NAV1: variants seen among roughly 807,000 people sequenced by gnomAD.
NAV1 encodes the protein neuron navigator 1.
A neutral mutation model predicts 175.2 loss-of-function variants in NAV1; 18 were observed. That is an observed-to-expected ratio of 0.10 (90% confidence interval 0.07 to 0.15). The LOEUF (loss-of-function observed/expected upper bound fraction) is 0.15, where lower values mean the gene tolerates loss of function less well. Among genes scored for constraint, NAV1 ranks in the 10% least tolerant of loss-of-function variants. The probability of loss-of-function intolerance (pLI) is 1.00; values close to 1 mark genes in which losing one functional copy is unlikely to be tolerated. For synonymous variants in NAV1, 897 were observed against 978.7 expected (o/e 0.92, Z 1.56); for missense variants, 1,731 against 2,436.6 (o/e 0.71, Z 6.10).
At chr1:201,640,762 C>T (rs139530181) in intron 2 of NAV1, among the ~76,000 whole-genome samples, 13 of 152,302 alleles carry the variant, frequency 8.5e-5, no homozygotes, top group South Asian at 2.1e-4. Context: ...TGTCTTGCCA[C>T]GGGGTATTAA....
intron 3 of NAV1, among the ~76,000 whole-genome samples, chr1:201,757,904 A>G (rs572970923): frequency 6.6e-6 from 1 of 152,326 alleles, no homozygotes; most frequent in African/African-American, 2.4e-5. Flanking sequence ...GCTGGTTCCC[A>G]GGTGGTTGTG....
chr1:201,691,834 ACAGCCCTCTAAGAAGTTACTAC>A (rs1670960683), intron 1 of NAV1, among the ~76,000 whole-genome samples: 1 of 152,174 alleles, frequency 6.6e-6, no homozygotes, highest in Non-Finnish European at 1.5e-5. Flanking sequence ...ATTTCTCAAC[ACAGCCCTCTAAGAAGTTACTAC>A]CAGTCATTTG....
chr1:201,590,140 G>A (rs2102211082), intron 2 of NAV1, among the ~76,000 whole-genome samples: 1 of 152,210 alleles, frequency 6.6e-6, no homozygotes, highest in South Asian at 2.1e-4. Flanking sequence ...TGGTCCATCT[G>A]CCTCGGCCTC....
At chr1:201,649,160 C>T (rs568857173) in exon 1 of NAV1, 10 of 1,611,824 alleles carry the variant, frequency 6.2e-6, no homozygotes, top group Non-Finnish European at 6.8e-6. Context: ...TGGCTCCGCT[C>T]GCGCCCAACC....
intron 1 of NAV1, among the ~76,000 whole-genome samples, chr1:201,626,250 C>G (rs1668326941): frequency 6.6e-6 from 1 of 152,248 alleles, no homozygotes; most frequent in African/African-American, 2.4e-5. Flanking sequence ...CTAGAATCCA[C>G]AGACATTGTG....
chr1:201,648,844 C>G (rs1369877244), exon 1 of NAV1: 1 of 1,609,632 alleles, frequency 6.2e-7, no homozygotes, highest in Non-Finnish European at 8.5e-7. Context: ...ATGGCCAAGG[C>G]CAGCGCGGCT....
chr1:201,668,275 A>G (rs1311710957), intron 1 of NAV1, among the ~76,000 whole-genome samples: 1 of 151,966 alleles, frequency 6.6e-6, no homozygotes, highest in East Asian at 1.9e-4. Context: ...GCTTCCTGGC[A>G]CCCCTAATCT....
At position 201,819,957 on chromosome 1, in the gene NAV1, C is replaced by T. The variant is rs760282083; in HGVS notation, c.*25C>T. ...AGGGTTCGGCAATCACTGTCACCCC[C>T]GGACAGCAGAACGCTGGCATCAGCT... On this transcript the variant is annotated 3_prime_UTR_variant, in exon 30 of 30. Transcript: ENST00000367296. 127 of 1,605,926 alleles carry T rather than the reference C, an allele frequency of 7.9e-5. 1 individual carries two copies. The highest frequency in any genetic ancestry group is 7.7e-4 in the South Asian group (70 of 90,922).
chr1:201,793,598 T>C (rs953266864), intron 13 of NAV1, 194 bp from the exon 18 acceptor site: 1 of 563,748 alleles, frequency 1.8e-6, no homozygotes, highest in African/African-American at 1.9e-5. Context: ...AAGAAGCTGG[T>C]TCCCACCAGA....
chr1:201,737,513 C>T (rs1376756173), intron 3 of NAV1: 3 of 152,218 alleles, frequency 2.0e-5, no homozygotes, highest in Non-Finnish European at 4.4e-5. Flanking sequence ...TTATGGTTTG[C>T]TCCTCCAGTC....
At chr1:201,541,978 C>T (rs56283810) in intron 1 of NAV1, among the ~76,000 whole-genome samples, 3,404 of 152,228 alleles carry the variant, frequency 0.022, 123 homozygotes, top group African/African-American at 0.078. Flanking sequence ...TTTTAAAGTT[C>T]TTTTGACTTC....
chr1:201,622,777 A>T, upstream of NAV1: 1 of 972,858 alleles, frequency 1.0e-6, no homozygotes, highest in Non-Finnish European at 1.2e-6. Context: ...AGACCCCAAC[A>T]TCCTCTTTCT....
At chr1:201,612,387 G>A (rs545460617) in intron 2 of NAV1, among the ~76,000 whole-genome samples, 2 of 152,354 alleles carry the variant, frequency 1.3e-5, no homozygotes, top group Admixed American at 6.5e-5. Context: ...CCAGGAGGCT[G>A]AGGATGCAGT....
chr1:201,734,244 CA>C (rs1228919744), intron 3 of NAV1, among the ~76,000 whole-genome samples: 5 of 151,658 alleles, frequency 3.3e-5, no homozygotes, highest in Non-Finnish European at 7.4e-5. Context: ...TCCTTCTGTA[CA>C]AAAAATTTTA....
chr1:201,619,324 G>A (rs965794271), upstream of NAV1, among the ~76,000 whole-genome samples: 7 of 151,580 alleles, frequency 4.6e-5, no homozygotes, highest in African/African-American at 1.5e-4. Flanking sequence ...TGGGAGCCCA[G>A]GGATGCATGG....
chr1:201,549,135 CTTTCTTTCTTCT>C (rs1483567846), intron 1 of NAV1, among the ~76,000 whole-genome samples: 1 of 131,168 alleles, frequency 7.6e-6, no homozygotes, highest in East Asian at 2.2e-4. Flanking sequence ...TTCTTTCTTT[CTTTCTTTCTTCT>C]TTCTCTCTCT....
At chr1:201,649,574 G>A in intron 1 of NAV1, 149 bp downstream of exon 5, 1 of 1,326,034 alleles carries the variant, frequency 7.5e-7, no homozygotes, top group South Asian at 1.6e-5. Context: ...ATTGCGCCCA[G>A]ATGTGCTGAG....
intron 16 of NAV1, chr1:201,803,949 T>C (rs1323350550): frequency 3.6e-6 from 2 of 561,144 alleles, no homozygotes; most frequent in Admixed American, 2.3e-5. Context: ...TTCTTTGGGC[T>C]CTCCATACTG....
chr1:201,671,147 G>A lies in NAV1; in HGVS notation c.757+21722G>A, dbSNP rs115923463. 8.0e-3 allele frequency among the ~76,000 whole-genome samples: 1,211 copies of A among 152,254 alleles called. 16 individuals are homozygous for A. Among genetic ancestry groups the A allele is most frequent in the African/African-American group, 0.027 (1,131 of 41,530 alleles). On this transcript the variant is annotated intron_variant, in intron 1 of 29. Transcript: ENST00000367296. ...ACTTCTTGAGGCAAACGGTATTACC[G>A]AGCCCAGGACCGTGCTGGATACTGT...
Sources: gnomAD v4.1 joint callset for allele counts (sites outside exome capture counted in the v4.1 genomes callset) on GRCh38, gnomAD v4.1.1 for gene constraint, MANE v1.5 for transcripts, NCBI Gene and HGNC (gene_info 2026-07-23, HGNC 2026-07-21) for gene names.